Variants in SLITRK2 observed in about 807,000 individuals in gnomAD.
The protein encoded by SLITRK2 is SLIT and NTRK-like protein 2.
Under a neutral mutation model 35.4 loss-of-function variants are expected in SLITRK2, and 13 were observed. The ratio of observed to expected loss-of-function variants is 0.37; its 90% CI spans 0.24 to 0.58. The LOEUF is 0.58. SLITRK2 is among the 20% of genes least tolerant of loss of function. SLITRK2 has a pLI of 0.75. For synonymous variants in SLITRK2, 294 were observed against 264.7 expected, an observed-to-expected ratio of 1.11 and a Z score of -1.07; for missense variants, 471 against 634.3, an observed-to-expected ratio of 0.74 and a Z score of 2.76.
chrX:145,828,332 T>C lies in SLITRK2; in HGVS notation c.*3369T>C. On this transcript the variant is annotated 3_prime_UTR_variant, in exon 5 of 5. Coordinates refer to ENST00000335565, the MANE Select transcript of SLITRK2 (RefSeq NM_032539.5). The stretch of plus-strand genomic sequence containing the variant: ...AATTTTACAAAAAGCATTTAAGGAA[T>C]AAGAAAGAGGTTCTGTGATTTTTCA... The C allele has an allele frequency of 5.0e-6, 1 of 199,485 alleles. No homozygotes were observed. The highest frequency in any genetic ancestry group is 9.8e-6 in the Non-Finnish European group (1 of 102,027). 16.4% of individuals were successfully genotyped at this position (199,485 alleles called of 1,213,427 possible).
Position 145,828,377 on chromosome X carries a change from G to T in SLITRK2, c.*3414G>T. 6.4e-6 allele frequency: 1 copy of T among 156,183 alleles called. No homozygotes were observed. The highest frequency in any genetic ancestry group is 8.0e-5 in the Admixed American group (1 of 12,511). 12.9% of individuals were successfully genotyped at this position (156,183 alleles called of 1,213,427 possible). On this transcript the variant is annotated 3_prime_UTR_variant, in exon 5 of 5. Coordinates refer to ENST00000335565, the MANE Select transcript of SLITRK2 (RefSeq NM_032539.5). ...TTTTCAGACTCTGAAAATTCATTTTGATTCTACATATTCCAGAAATATACT... is the reference window on the plus strand; with the variant it reads ...TTTTCAGACTCTGAAAATTCATTTTTATTCTACATATTCCAGAAATATACT...
rs200374760 is a variant in SLITRK2, at chrX:145,824,456, C to T, written c.2031C>T (p.His677=). The part of the protein sequence containing the change: ...LQYGSYNTET[H]DKTDGHVYNY... ...ATGGGTCTTACAACACTGAGACTCA[C>T]GATAAAACAGACGGCCATGTCTACA... Residue 677 remains histidine (H), a synonymous_variant, in exon 5 of 5, where the codon CAC becomes CAT. Transcript: ENST00000335565. 11 of 1,209,266 alleles carry T rather than the reference C, an allele frequency of 9.1e-6. No homozygotes were observed. In the African/African-American group the frequency reaches 1.2e-4, roughly 14 times the overall value.
rs1556943954 is a variant in SLITRK2, at chrX:145,822,865, G to A, written c.440G>A (p.Ser147Asn). The change falls in exon 5 of 5, where the codon AGT (serine) becomes AAT (asparagine). Residue 147 changes from serine (S) to asparagine (N), a missense_variant. Coordinates refer to ENST00000335565, the MANE Select transcript of SLITRK2 (RefSeq NM_032539.5). ...CTCCAGGCCGACTACAATTACATCA[G>A]TGCCATCGAGGCTGGGGCATTCAGC... Reference protein sequence around the residue: ...EYLQADYNYISAIEAGAFSKL... With the variant: ...EYLQADYNYINAIEAGAFSKL... 1 of 1,210,937 alleles carries A rather than the reference G, an allele frequency of 8.3e-7. No homozygotes were observed. Among genetic ancestry groups the A allele is most frequent in the Non-Finnish European group, 1.1e-6 (1 of 895,240 alleles).
At position 145,825,404 on chromosome X, in the gene SLITRK2, A is replaced by T. The variant is rs2073112402; in HGVS notation, c.*441A>T. Reference sequence around the variant, plus strand: ...TGTATTTTGTAGAAGATCTCCAAAGATCTTTTGTGACTACAACTTCTTTTG... The same window carrying T: ...TGTATTTTGTAGAAGATCTCCAAAGTTCTTTTGTGACTACAACTTCTTTTG... On this transcript the variant is annotated 3_prime_UTR_variant, in exon 5 of 5. Transcript: ENST00000335565. 1 of 129,250 alleles carries T rather than the reference A, an allele frequency of 7.7e-6. No homozygotes were observed. Among genetic ancestry groups the T allele is most frequent in the Non-Finnish European group, 1.8e-5 (1 of 56,964 alleles). 10.7% of individuals were successfully genotyped at this position (129,250 alleles called of 1,213,427 possible).
At position 145,823,896 on chromosome X, in the gene SLITRK2, T is replaced by C. The variant is rs1277445153; in HGVS notation, c.1471T>C (p.Phe491Leu). The change falls in exon 5 of 5, where the codon TTT (phenylalanine) becomes CTT (leucine). Residue 491 changes from phenylalanine (F) to leucine (L), a missense_variant. Physicochemically the swap from Phe to Leu is conservative, Grantham distance 22. Transcript: ENST00000335565. ...NLLRSLPDNI[F>L]GGTALTRLNL... ...TCTTCGGTCCTTACCTGATAATATA[T>C]TTGGGGGGACGGCCCTAACCAGGCT... The C allele has an allele frequency of 1.7e-6, 2 of 1,209,282 alleles. No homozygotes were observed. Among genetic ancestry groups the C allele is most frequent in the Non-Finnish European group, 2.2e-6 (2 of 895,038 alleles).
Position 145,823,818 on chromosome X carries a change from C to G in SLITRK2, c.1393C>G (p.Leu465Val), listed in dbSNP as rs2124184744. The G allele has an allele frequency of 8.3e-7, 1 of 1,210,254 alleles. No homozygotes were observed. Among genetic ancestry groups the G allele is most frequent in the Admixed American group, 2.2e-5 (1 of 45,885 alleles). ...TAATGTCATTAAGGAAATTAAGCCT[C>G]TGACCTTTGATGCTTTGATTAACCT... is the stretch of plus-strand genomic sequence containing the variant. ...EYNVIKEIKPLTFDALINLQL... is the reference protein window; with the variant it reads ...EYNVIKEIKPVTFDALINLQL... Residue 465 changes from leucine to valine, a missense_variant, in exon 5 of 5, where the codon CTG (leucine) becomes GTG (valine). By Grantham distance (32) the Leu-to-Val change is conservative. This residue lies in a region of SLITRK2 where 92 missense variants were observed against 184.2 expected (regional missense o/e 0.50). Transcript: ENST00000335565.
At position 145,817,955 on chromosome X, in the gene SLITRK2, G is replaced by T. The variant is rs782808934; in HGVS notation, c.-864G>T. 9.1e-6 allele frequency: 1 copy of T among 109,839 alleles called. No homozygotes were observed. The allele number at this position is 109,839 out of a possible 1,213,427, so 9.1% of individuals were successfully genotyped here. On this transcript the variant is annotated 5_prime_UTR_variant, in exon 1 of 5. Coordinates refer to ENST00000335565, the MANE Select transcript of SLITRK2 (RefSeq NM_032539.5). ...GCTGCGCCAGTCCGAGGCGGTGCCG[G>T]CTCCTTTGCCTCCCCGAGTCGCAGA...
In SLITRK2 at chrX:145,824,220, C is replaced by A. The variant is rs1163142672; in HGVS notation, c.1795C>A (p.Pro599Thr). ...VLSMNHNTDT[P>T]RSLSVSPSSY... The stretch of plus-strand genomic sequence containing the variant: ...GTCAATGAATCACAATACAGACACA[C>A]CTCGGTCGCTTAGTGTGTCTCCTAG... Residue 599 changes from proline (P) to threonine (T), a missense_variant, in exon 5 of 5, where the codon CCT (proline) becomes ACT (threonine). Physicochemically the swap from Pro to Thr is conservative, Grantham distance 38. This residue lies in a region of SLITRK2 where 190 missense variants were observed against 199.3 expected (regional missense o/e 0.95). Transcript: ENST00000335565. 1 of 1,209,140 alleles carries A rather than the reference C, an allele frequency of 8.3e-7. No individual in the cohort carries two copies. The highest frequency in any genetic ancestry group is 1.8e-5 in the African/African-American group (1 of 56,964).
Position 145,825,187 on chromosome X carries a change from T to TTC in SLITRK2, c.*225_*226insCT. 2 of 334,400 alleles carry TTC rather than the reference T, an allele frequency of 6.0e-6. No individual in the cohort carries two copies. The highest frequency in any genetic ancestry group is 1.0e-5 in the Non-Finnish European group (2 of 193,294). The allele number at this position is 334,400 out of a possible 1,213,427, so 27.6% of individuals were successfully genotyped here. A position where few individuals can be genotyped will look rare whatever the true frequency, so the allele number is the denominator to read the frequency against. ...TCCCCTCCTTTTTTTTTTTTTTTTT[T>TTC]TTTTCTTTTTCCCTTCTCTTCTTAG... On this transcript the variant is annotated 3_prime_UTR_variant, in exon 5 of 5. Coordinates refer to ENST00000335565, the MANE Select transcript of SLITRK2 (RefSeq NM_032539.5).
chrX:145,826,051 T>C lies in SLITRK2; in HGVS notation c.*1088T>C, dbSNP rs1308410963. The C allele has an allele frequency of 6.3e-5, 7 of 111,487 alleles. No homozygotes were observed. Among genetic ancestry groups the C allele is most frequent in the African/African-American group, 2.0e-4 (6 of 30,663 alleles). The allele number at this position is 111,487 out of a possible 1,213,427, so 9.2% of individuals were successfully genotyped here. On this transcript the variant is annotated 3_prime_UTR_variant, in exon 5 of 5. Coordinates refer to ENST00000335565, the MANE Select transcript of SLITRK2 (RefSeq NM_032539.5). ...TGAAATTAATATTTTTTCTGCCTAT[T>C]GAAACATTTTCTATAAACACACACC...
rs2124170754 is a variant in SLITRK2, at chrX:145,823,306, A to G, written c.881A>G (p.Asn294Ser). The G allele has an allele frequency of 8.3e-7, 1 of 1,211,407 alleles. No individual in the cohort carries two copies. The highest frequency in any genetic ancestry group is 1.1e-6 in the Non-Finnish European group (1 of 895,407). ...RLSPTMNPAL[N>S]PTRAPKASRP... ...TCACCTACAATGAATCCTGCTCTCA[A>G]CCCAACCAGGGCTCCGAAAGCCAGC... is the stretch of plus-strand genomic sequence containing the variant. The change falls in exon 5 of 5, where the codon AAC becomes AGC. Residue 294 changes from asparagine to serine, a missense_variant. Around this residue, in one of 7 missense-constraint regions of SLITRK2, gnomAD observed 56 missense variants for 48.7 expected, o/e 1.15. Coordinates refer to ENST00000335565, the MANE Select transcript of SLITRK2 (RefSeq NM_032539.5).
Position 145,824,613 on chromosome X carries a change from C to T in SLITRK2, c.2188C>T (p.Pro730Ser), listed in dbSNP as rs781967820. 22 of 1,210,644 alleles carry T rather than the reference C, an allele frequency of 1.8e-5. No homozygotes were observed. The East Asian group carries it at 6.2e-4, about 34-fold the overall frequency. The stretch of plus-strand genomic sequence containing the variant: ...CAACCTGGAGGAGAAAAAAGAAGAG[C>T]CAGCCACACCTGCTTACACAATAAG... Reference protein sequence around the residue: ...YSNLEEKKEEPATPAYTISAT... With the variant: ...YSNLEEKKEESATPAYTISAT... Residue 730 changes from proline to serine, a missense_variant, in exon 5 of 5, where the codon CCA becomes TCA. Pro to Ser is a moderately conservative substitution (Grantham distance 74). Around this residue, in one of 7 missense-constraint regions of SLITRK2, gnomAD observed 190 missense variants for 199.3 expected, o/e 0.95. Coordinates refer to ENST00000335565, the MANE Select transcript of SLITRK2 (RefSeq NM_032539.5).
intron 2 of SLITRK2, chrX:145,820,942 C>G (rs2072993220): frequency 1.8e-5 from 2 of 109,400 alleles, no homozygotes; most frequent in Admixed American, 1.9e-4. Flanking sequence ...AGTATAAATC[C>G]CCTAAGAGAA....
At chrX:145,818,733 C>T (rs1556942337) in intron 1 of SLITRK2, 1 of 112,028 alleles carries the variant, frequency 8.9e-6, no homozygotes, top group Non-Finnish European at 1.9e-5. Flanking sequence ...GCGAGTGAGA[C>T]AGGCGACGGA....
chrX:145,824,051 C>G lies in SLITRK2; in HGVS notation c.1626C>G (p.Asp542Glu), dbSNP rs2124191163. The change falls in exon 5 of 5, where the codon GAC (aspartate) becomes GAG (glutamate). Residue 542 changes from aspartate (D) to glutamate (E), a missense_variant. Around this residue, in one of 7 missense-constraint regions of SLITRK2, gnomAD observed 92 missense variants for 184.2 expected, o/e 0.50. Transcript: ENST00000335565. ...DCTCDIMGLKDWTEHANSPVI... is the reference protein window; with the variant it reads ...DCTCDIMGLKEWTEHANSPVI... ...CCTGTGACATCATGGGGCTGAAAGA[C>G]TGGACAGAACATGCCAATTCCCCTG... The G allele has an allele frequency of 8.3e-7, 1 of 1,209,404 alleles. No homozygotes were observed. The highest frequency in any genetic ancestry group is 1.8e-5 in the South Asian group (1 of 56,485).
intron 1 of SLITRK2, chrX:145,820,256 T>C (rs1473860083): frequency 1.8e-5 from 2 of 112,246 alleles, no homozygotes; most frequent in African/African-American, 6.5e-5. Flanking sequence ...ACCAAGGCCT[T>C]TCCAGGCAAC....
rs781856962 is a variant in SLITRK2 at position 145,823,095 on chromosome X, T to C, written c.670T>C (p.Leu224=). 3 of 1,211,276 alleles carry C rather than the reference T, an allele frequency of 2.5e-6. No individual in the cohort carries two copies. The Admixed American group carries it at 6.5e-5, about 26-fold the overall frequency. ...AAATCCATGGAATTGCACTTGTGAC[T>C]TACTTCCTCTCAAGGCCTGGCTAGA... ...EENPWNCTCD[L]LPLKAWLDTI... is the part of the protein sequence containing the mutation. Residue 224 remains leucine, a synonymous_variant, in exon 5 of 5, where the codon TTA becomes CTA. Coordinates refer to ENST00000335565, the MANE Select transcript of SLITRK2 (RefSeq NM_032539.5).
chrX:145,818,583 CCT>C (rs1436774343), intron 1 of SLITRK2: 2 of 112,666 alleles, frequency 1.8e-5, no homozygotes, highest in African/African-American at 6.4e-5. Flanking sequence ...AGCAGTGCCC[CCT>C]CTCTGGTTCC....
chrX:145,822,089 G>A lies in SLITRK2; in HGVS notation c.-108G>A, dbSNP rs2073030174. ...ACCCCAGGGGAGGAGGAGATGGGCA[G>A]GATTTAGTAGGACAACTCGGTTACT... On this transcript the variant is annotated 5_prime_UTR_variant, in exon 4 of 5. Coordinates refer to ENST00000335565, the MANE Select transcript of SLITRK2 (RefSeq NM_032539.5). 2 of 216,469 alleles carry A rather than the reference G, an allele frequency of 9.2e-6. No homozygotes were observed. Among genetic ancestry groups the A allele is most frequent in the Non-Finnish European group, 1.6e-5 (2 of 121,381 alleles). 17.8% of individuals were successfully genotyped at this position (216,469 alleles called of 1,213,427 possible).
Sources: gnomAD v4.1 joint callset for allele counts on GRCh38, gnomAD v4.1.1 for gene constraint, gnomAD v4.1.1 regional missense constraint, MANE v1.5 for transcripts, NCBI Gene and HGNC (gene_info 2026-07-23, HGNC 2026-07-21) for gene names.